Variants in DAB1 observed in about 807,000 individuals in gnomAD.
DAB1 encodes the protein disabled homolog 1.
DAB1 carries 15 observed loss-of-function variants against 64.6 expected under a neutral mutation model. The observed-to-expected ratio is 0.23, with a 90% CI of 0.16 to 0.36. DAB1 has a LOEUF of 0.36. Among genes scored for constraint, DAB1 ranks in the 10% least tolerant of loss-of-function variants. DAB1 has a pLI of 1.00. For missense variants in DAB1, 596 were observed against 706.7 expected (o/e 0.84, Z 1.78); for synonymous variants, 235 against 251.9 (o/e 0.93, Z 0.64).
intron 3 of DAB1, among the ~76,000 whole-genome samples, chr1:58,413,492 C>G (rs1422901831): frequency 6.6e-6 from 1 of 152,142 alleles, no homozygotes; most frequent in Non-Finnish European, 1.5e-5. Flanking sequence ...AAAGCCCATG[C>G]TCTTATCCAT....
intron 2 of DAB1, among the ~76,000 whole-genome samples, chr1:57,269,130 G>C (rs1311196280): frequency 6.6e-6 from 1 of 152,090 alleles, no homozygotes; most frequent in African/African-American, 2.4e-5. Flanking sequence ...GAAGTGGAGA[G>C]GTAGAAGTGC....
intron 6 of DAB1, among the ~76,000 whole-genome samples, chr1:57,789,294 C>A (rs544839814): frequency 6.6e-6 from 1 of 152,010 alleles, no homozygotes; most frequent in Non-Finnish European, 1.5e-5. Flanking sequence ...TGGGCCCACG[C>A]GAGAAGAGGT....
intron 9 of DAB1, among the ~76,000 whole-genome samples, chr1:57,048,813 C>T (rs539218342): frequency 6.6e-6 from 1 of 152,288 alleles, no homozygotes; most frequent in South Asian, 2.1e-4. Flanking sequence ...TTCCAGAGGA[C>T]CAGTGGCCTG....
chr1:58,459,785 C>G (rs1030786970), intron 3 of DAB1, among the ~76,000 whole-genome samples: 3 of 152,170 alleles, frequency 2.0e-5, no homozygotes, highest in Non-Finnish European at 4.4e-5. Flanking sequence ...CAAAACCAGC[C>G]TGGCCAACAT....
chr1:58,380,192 T>C (rs1644373879), intron 3 of DAB1, among the ~76,000 whole-genome samples: 1 of 152,160 alleles, frequency 6.6e-6, no homozygotes. Context: ...TCCCCACATG[T>C]TGAAGGAGGG....
intron 7 of DAB1, among the ~76,000 whole-genome samples, chr1:57,480,668 A>G (rs1644006265): frequency 1.3e-5 from 2 of 152,000 alleles, no homozygotes; most frequent in Non-Finnish European, 2.9e-5. Flanking sequence ...TATTTTTAGT[A>G]GAGACAGGGT....
chr1:58,182,474 C>A (rs1329011623), intron 4 of DAB1, among the ~76,000 whole-genome samples: 1 of 151,742 alleles, frequency 6.6e-6, no homozygotes, highest in East Asian at 1.9e-4. Flanking sequence ...CCCTGTTCAT[C>A]TTTCTCTATT....
At chr1:57,343,676 C>T (rs1008093861) in intron 1 of DAB1, among the ~76,000 whole-genome samples, 3 of 149,700 alleles carry the variant, frequency 2.0e-5, no homozygotes, top group Non-Finnish European at 3.0e-5. Context: ...TGCCTGGGGC[C>T]GGTGGGGCCG....
At chr1:57,126,606 C>G (rs956454135) in intron 4 of DAB1, among the ~76,000 whole-genome samples, 1 of 152,286 alleles carries the variant, frequency 6.6e-6, no homozygotes, top group East Asian at 1.9e-4. Flanking sequence ...TGAAATGACA[C>G]GTATGTCAAG....
intron 6 of DAB1, among the ~76,000 whole-genome samples, chr1:57,696,479 C>A (rs1646847458): frequency 6.6e-6 from 1 of 152,152 alleles, no homozygotes; most frequent in African/African-American, 2.4e-5. Context: ...TTGGGACGAT[C>A]ACTGAATGCA....
intron 4 of DAB1, among the ~76,000 whole-genome samples, chr1:58,327,204 A>G (rs986885651): frequency 2.4e-4 from 36 of 152,296 alleles, no homozygotes; most frequent in African/African-American, 8.4e-4. Context: ...TCCACGTTGA[A>G]CTTTGTTTGA....
chr1:57,005,203 A>G (rs1212579025), intron 14 of DAB1, among the ~76,000 whole-genome samples: 1 of 152,182 alleles, frequency 6.6e-6, no homozygotes, highest in Non-Finnish European at 1.5e-5. Flanking sequence ...CATGTTCTGA[A>G]GAACATTCTA....
chr1:57,123,173 A>G (rs905209421), intron 4 of DAB1, among the ~76,000 whole-genome samples: 1 of 152,178 alleles, frequency 6.6e-6, no homozygotes, highest in African/African-American at 2.4e-5. Flanking sequence ...CCCTGAACAT[A>G]GGCCAGTGAA....
At chr1:57,684,828 G>A (rs1288822429) in intron 6 of DAB1, among the ~76,000 whole-genome samples, 6 of 152,142 alleles carry the variant, frequency 3.9e-5, no homozygotes, top group African/African-American at 1.4e-4. Context: ...AGAGTGGCCA[G>A]TCAAAGAGAC....
chr1:57,122,255 A>C (rs2100756006), intron 4 of DAB1, among the ~76,000 whole-genome samples: 1 of 152,272 alleles, frequency 6.6e-6, no homozygotes, highest in South Asian at 2.1e-4. Context: ...GGCTTCTCTG[A>C]TTCATCTTCA....
At chr1:58,048,354 C>G in intron 5 of DAB1, 2 of 998,318 alleles carry the variant, frequency 2.0e-6, no homozygotes, top group Non-Finnish European at 3.2e-6. Context: ...TTGCCCAAAT[C>G]ACTGTAGCTT....
intron 5 of DAB1, among the ~76,000 whole-genome samples, chr1:58,005,169 T>C (rs1401201784): frequency 6.6e-6 from 1 of 152,202 alleles, no homozygotes; most frequent in East Asian, 1.9e-4. Flanking sequence ...TTTTCCCAGG[T>C]GTGTAACCAT....
intron 4 of DAB1, among the ~76,000 whole-genome samples, chr1:58,226,976 A>C (rs2100340362): frequency 6.6e-6 from 1 of 152,334 alleles, no homozygotes; most frequent in African/African-American, 2.4e-5. Flanking sequence ...AATGCTAGTT[A>C]TATTAACTCA....
At chr1:57,151,866 T>G in intron 2 of DAB1, among the ~76,000 whole-genome samples, 1 of 141,886 alleles carries the variant, frequency 7.0e-6, no homozygotes, top group Non-Finnish European at 1.5e-5. Context: ...CAGGCTGGAG[T>G]GCAGTAGCTC....
Sources: allele counts gnomAD v4.1 joint callset (sites outside exome capture counted in the v4.1 genomes callset), GRCh38; gene constraint gnomAD v4.1.1; transcripts MANE v1.5; gene names NCBI Gene and HGNC (gene_info 2026-07-23, HGNC 2026-07-21).